Variants in MARK2 observed in about 807,000 individuals in gnomAD.
MARK2 encodes serine/threonine-protein kinase MARK2.
In MARK2, 16 loss-of-function variants were observed where a neutral mutation model predicts 89.8. That is an observed-to-expected ratio of 0.18 (90% CI 0.12 to 0.27). MARK2 has a LOEUF of 0.27. Among genes scored for constraint, MARK2 ranks in the 10% least tolerant of loss-of-function variants. The pLI, the probability that MARK2 is intolerant of heterozygous loss-of-function variation, is 1.00. For missense variants in MARK2, 621 were observed against 1,049.9 expected (o/e 0.59, Z 5.65); for synonymous variants, 382 against 399.5 (o/e 0.96, Z 0.52).
At chr11:63,862,707 T>A (rs1004339930) in intron 1 of MARK2, among the ~76,000 whole-genome samples, 1 of 152,138 alleles carries the variant, frequency 6.6e-6, no homozygotes, top group African/African-American at 2.4e-5. Flanking sequence ...AGAACCCCTT[T>A]AGAAAAACCA....
At chr11:63,872,857 TC>T (rs948309592) in intron 1 of MARK2, among the ~76,000 whole-genome samples, 5 of 149,558 alleles carry the variant, frequency 3.3e-5, no homozygotes, top group Non-Finnish European at 7.4e-5. Context: ...TCTCCCTTCC[TC>T]CTCCTCCTCC....
intron 16 of MARK2, among the ~76,000 whole-genome samples, 179 bp from the exon 17 acceptor site, chr11:63,905,909 A>G (rs946007790): frequency 1.3e-5 from 2 of 152,236 alleles, no homozygotes; most frequent in African/African-American, 4.8e-5. Flanking sequence ...TGAGGCCTGC[A>G]GAGAGTGTGG....
chr11:63,874,215 C>G (rs1442476743), intron 1 of MARK2, among the ~76,000 whole-genome samples: 1 of 152,338 alleles, frequency 6.6e-6, no homozygotes, highest in East Asian at 1.9e-4. Flanking sequence ...GCCTTATCCC[C>G]TCTGCCCTGG....
rs1228256247 is a variant in MARK2, at chr11:63,904,917, G to A, written c.1808G>A (p.Arg603Gln). Residue 603 changes from arginine (R) to glutamine (Q), a missense_variant, in exon 16 of 19, where the codon CGA becomes CAA. Coordinates refer to ENST00000402010, the MANE Select transcript of MARK2 (RefSeq NM_001039469.3). The surrounding 1 kb of genome is among the most constrained non-coding windows in gnomAD (Gnocchi z 6.3). ...AGCACCTTCCATGCTGGGCAGCTCCGACAGGTGCGGGACCAGCAGAATTTG... is the reference window on the plus strand; with the variant it reads ...AGCACCTTCCATGCTGGGCAGCTCCAACAGGTGCGGGACCAGCAGAATTTG... ...SRSTFHAGQL[R>Q]QVRDQQNLPY... The A allele has an allele frequency of 4.3e-6, 7 of 1,614,216 alleles. No individual in the cohort carries two copies. The highest frequency in any genetic ancestry group is 5.1e-6 in the Non-Finnish European group (6 of 1,180,040).
chr11:63,862,319 C>G (rs1937852719), intron 1 of MARK2, among the ~76,000 whole-genome samples: 1 of 152,104 alleles, frequency 6.6e-6, no homozygotes, highest in Non-Finnish European at 1.5e-5. Flanking sequence ...GGCTACAAAC[C>G]CAGGTGGTCC....
intron 1 of MARK2, among the ~76,000 whole-genome samples, chr11:63,857,810 G>A (rs1424909516): frequency 6.6e-6 from 1 of 151,900 alleles, no homozygotes; most frequent in Non-Finnish European, 1.5e-5. Flanking sequence ...AACTTGGTTT[G>A]GTTCTCCATG....
intron 1 of MARK2, among the ~76,000 whole-genome samples, chr11:63,887,709 A>G (rs1228042098): frequency 7.4e-6 from 1 of 134,378 alleles, no homozygotes; most frequent in East Asian, 2.9e-4. Flanking sequence ...CAGCACATAG[A>G]CAGGGGTCGT....
intron 18 of MARK2, 109 bp downstream of exon 18, chr11:63,908,413 C>T (rs1941522299): frequency 1.1e-6 from 1 of 901,120 alleles, no homozygotes; most frequent in African/African-American, 1.7e-5. Context: ...TGGTTCTGCC[C>T]TGTCCCTACC....
In MARK2 at chr11:63,902,178, C is replaced by G. The variant is rs765056273; in HGVS notation, c.1102-20C>G. 3 of 1,613,472 alleles carry G rather than the reference C, an allele frequency of 1.9e-6. No individual in the cohort carries two copies. Among genetic ancestry groups the G allele is most frequent in the Admixed American group, 1.7e-5 (1 of 59,968 alleles). On this transcript the variant is annotated intron_variant, in intron 11 of 18. Transcript: ENST00000402010. This position sits in a 1 kb window ranked among gnomAD's most constrained non-coding sequence, Gnocchi z 4.2. ...ACATGACTTCTGCCCTCCCTTGAAG[C>G]TGTTTTCTGTTTCTTTCAGCTGGAA...
chr11:63,866,637 T>C (rs1938147764), intron 1 of MARK2, among the ~76,000 whole-genome samples: 1 of 152,236 alleles, frequency 6.6e-6, no homozygotes, highest in Non-Finnish European at 1.5e-5. Context: ...GAGGCTTGTG[T>C]AGCTAATCCA....
chr11:63,882,807 G>C (rs989987607), intron 1 of MARK2: 4 of 152,298 alleles, frequency 2.6e-5, no homozygotes, highest in Non-Finnish European at 5.9e-5. Flanking sequence ...AGTGTCTAGA[G>C]AGCCCAGAAA....
At chr11:63,882,427 T>C (rs1182732157) in intron 1 of MARK2, among the ~76,000 whole-genome samples, 2 of 151,816 alleles carry the variant, frequency 1.3e-5, no homozygotes, top group South Asian at 2.1e-4. Context: ...CTACTAAAAA[T>C]ACAAAATTAG....
At chr11:63,899,202 T>C (rs1225969313) in intron 7 of MARK2, 94 bp downstream of exon 7, 2 of 789,260 alleles carry the variant, frequency 2.5e-6, no homozygotes, top group Non-Finnish European at 4.4e-6. Flanking sequence ...CATCAGGCCC[T>C]GAGTGTTCCA....
intron 18 of MARK2, 73 bp downstream of exon 18, chr11:63,908,377 C>A: frequency 7.9e-7 from 1 of 1,264,068 alleles, no homozygotes; most frequent in Non-Finnish European, 1.1e-6. Flanking sequence ...TCCTCTCTTC[C>A]TTCTGCCACT....
chr11:63,868,695 A>C, intron 1 of MARK2: 1 of 446,954 alleles, frequency 2.2e-6, no homozygotes, highest in Non-Finnish European at 4.5e-6. Context: ...CCTGACACCA[A>C]CGTGTCTGCC....
At chr11:63,873,433 A>G (rs1026858216) in intron 1 of MARK2, among the ~76,000 whole-genome samples, 11 of 152,080 alleles carry the variant, frequency 7.2e-5, no homozygotes, top group Non-Finnish European at 1.6e-4. Flanking sequence ...GAGAAAGGGG[A>G]TGTTGGAGTG....
chr11:63,897,192 C>G (rs934576172), intron 3 of MARK2, among the ~76,000 whole-genome samples: 1 of 152,212 alleles, frequency 6.6e-6, no homozygotes, highest in African/African-American at 2.4e-5. Context: ...GGGGAAGAAG[C>G]CCTGGCAGCT....
intron 3 of MARK2, among the ~76,000 whole-genome samples, chr11:63,897,929 A>G (rs1172788511): frequency 3.3e-5 from 5 of 152,164 alleles, no homozygotes; most frequent in Admixed American, 2.6e-4. Context: ...CACTCCCTCC[A>G]GTAGAGGCAC....
intron 1 of MARK2, among the ~76,000 whole-genome samples, chr11:63,894,579 C>G (rs1211684326): frequency 6.6e-6 from 1 of 152,100 alleles, no homozygotes; most frequent in African/African-American, 2.4e-5. Context: ...GACTGTAATC[C>G]CAGCTACTCG....
Sources: gnomAD v4.1 joint callset for allele counts (sites outside exome capture counted in the v4.1 genomes callset) on GRCh38, gnomAD v4.1.1 for gene constraint, Gnocchi (gnomAD v3.1) non-coding constraint, MANE v1.5 for transcripts, NCBI Gene and HGNC (gene_info 2026-07-23, HGNC 2026-07-21) for gene names.